The following GPC6 variants were observed in gnomAD, a reference collection of about 807,000 sequenced individuals.
GPC6 encodes the protein glypican 6, also known as glypican-6.
GPC6 carries 14 observed loss-of-function variants against 55.2 expected under a neutral mutation model. That is an observed-to-expected ratio of 0.25 (90% CI 0.17 to 0.40). GPC6 has a LOEUF of 0.40. Among genes scored for constraint, GPC6 ranks in the 10% least tolerant of loss-of-function variants. The pLI, the probability that GPC6 is intolerant of heterozygous loss-of-function variation, is 1.00. For missense variants in GPC6, 641 were observed against 708.5 expected, an observed-to-expected ratio of 0.90 and a Z score of 1.08; for synonymous variants, 278 against 259.6, an observed-to-expected ratio of 1.07 and a Z score of -0.68.
intron 2 of GPC6, among the ~76,000 whole-genome samples, chr13:93,748,405 TTTTA>T (rs1884472943): frequency 6.6e-6 from 1 of 152,090 alleles, no homozygotes; most frequent in African/African-American, 2.4e-5. Flanking sequence ...TTTTTGCTTT[TTTTA>T]TTTTTGTGTG....
chr13:93,855,063 G>C (rs1441314535), intron 3 of GPC6, among the ~76,000 whole-genome samples: 1 of 151,494 alleles, frequency 6.6e-6, no homozygotes, highest in African/African-American at 2.4e-5. Context: ...TTTACATTAG[G>C]TTCACTCTTG....
At chr13:94,191,614 A>G (rs1351498991) in intron 4 of GPC6, among the ~76,000 whole-genome samples, 5 of 152,158 alleles carry the variant, frequency 3.3e-5, no homozygotes, top group African/African-American at 1.2e-4. Context: ...AGCTGGAAAA[A>G]AAAAAAAATA....
At chr13:93,450,728 T>C in intron 1 of GPC6, 1 of 974,538 alleles carries the variant, frequency 1.0e-6, no homozygotes, top group Non-Finnish European at 1.2e-6. Flanking sequence ...TGGCTGTATT[T>C]CATAAAATAC....
At chr13:94,133,279 A>C (rs1192886232) in intron 4 of GPC6, among the ~76,000 whole-genome samples, 3 of 151,510 alleles carry the variant, frequency 2.0e-5, no homozygotes, top group Admixed American at 6.6e-5. Flanking sequence ...AAAAAAAAAA[A>C]AAAAAAAAAA....
At chr13:94,284,564 A>G (rs1892477761) in intron 4 of GPC6, among the ~76,000 whole-genome samples, 1 of 152,074 alleles carries the variant, frequency 6.6e-6, no homozygotes, top group Non-Finnish European at 1.5e-5. Flanking sequence ...TCAGAAAAAT[A>G]TAAGCCCCAA....
intron 2 of GPC6, among the ~76,000 whole-genome samples, chr13:93,621,619 G>C (rs1424009322): frequency 3.9e-4 from 59 of 152,004 alleles, no homozygotes; most frequent in Non-Finnish European, 7.4e-4. Flanking sequence ...AACAATATAA[G>C]CATGTTCAAA....
chr13:94,148,433 A>G (rs778598718), intron 4 of GPC6, among the ~76,000 whole-genome samples: 5 of 152,194 alleles, frequency 3.3e-5, no homozygotes, highest in Non-Finnish European at 7.3e-5. Context: ...TGAGGATAGC[A>G]AATGGAAAGA....
chr13:93,302,543 T>C (rs1878717918), intron 1 of GPC6, among the ~76,000 whole-genome samples: 1 of 152,218 alleles, frequency 6.6e-6, no homozygotes, highest in African/African-American at 2.4e-5. Flanking sequence ...AACAATTTGA[T>C]ATTTATAGGG....
chr13:94,187,072 A>T (rs181447283), intron 4 of GPC6: 2 of 152,352 alleles, frequency 1.3e-5, no homozygotes, highest in African/African-American at 2.4e-5. Context: ...TTGGAATAGC[A>T]GCCTTGGAAG....
intron 6 of GPC6, among the ~76,000 whole-genome samples, chr13:94,322,998 C>T (rs1405930894): frequency 2.0e-5 from 3 of 152,092 alleles, no homozygotes; most frequent in Non-Finnish European, 2.9e-5. Flanking sequence ...TATTCCCTGC[C>T]TCAGACAGAC....
At chr13:93,812,526 T>G (rs1012436086) in intron 2 of GPC6, among the ~76,000 whole-genome samples, 6 of 152,206 alleles carry the variant, frequency 3.9e-5, no homozygotes, top group Non-Finnish European at 7.3e-5. Context: ...ATTTTTCTAA[T>G]CAAGGATATC....
In GPC6 at chr13:93,684,259, C is replaced by G. The variant is rs78893376; in HGVS notation, c.319+138838C>G. On this transcript the variant is annotated intron_variant, in intron 2 of 8. Transcript: ENST00000377047. ...GGAGTGCAGTGGTGTAATCTTGGCT[C>G]ACTGCAACCTGCGCCTCCTGGGTTC... Among the ~76,000 whole-genome samples, 436 of 152,214 alleles carry G rather than the reference C, an allele frequency of 2.9e-3. 4 individuals carry two copies. The highest frequency in any genetic ancestry group is 9.7e-3 in the African/African-American group (402 of 41,514).
At position 93,227,188 on chromosome 13, in the gene GPC6, T is replaced by C. The variant is rs897083386; in HGVS notation, c.-269T>C. On this transcript the variant is annotated 5_prime_UTR_variant, in exon 1 of 9. Transcript: ENST00000377047. This position sits in a 1 kb window ranked among gnomAD's most constrained non-coding sequence, Gnocchi z 4.3. The stretch of plus-strand genomic sequence containing the variant: ...CTTTTCCTTCTCTTCCTCGTTTTGA[T>C]TGCACCGTTTCCATCTGGGGGCTAG... 8.0e-6 allele frequency: 3 copies of C among 375,004 alleles called. No homozygotes were observed. The highest frequency in any genetic ancestry group is 8.7e-5 in the Admixed American group (2 of 23,024). 23.2% of individuals were successfully genotyped at this position (375,004 alleles called of 1,614,324 possible). A position where few individuals can be genotyped will look rare whatever the true frequency, so the allele number is the denominator to read the frequency against.
In GPC6 at chr13:93,384,844, C is replaced by T. The variant is rs938209589; in HGVS notation, c.160+157228C>T. On this transcript the variant is annotated intron_variant, in intron 1 of 8. Transcript: ENST00000377047. Reference sequence around the variant, plus strand: ...AGAAAAACTGTCTTTTTTCAGCATACATTTTCCTAAATTTAAATCATTTGT... The same window carrying T: ...AGAAAAACTGTCTTTTTTCAGCATATATTTTCCTAAATTTAAATCATTTGT... Among the ~76,000 whole-genome samples, 102 of 152,158 alleles carry T rather than the reference C, an allele frequency of 6.7e-4. 3 individuals are homozygous for T. The highest frequency in any genetic ancestry group is 3.3e-4 in the Admixed American group (5 of 15,282).
chr13:94,284,100 C>T (rs1268589798), intron 4 of GPC6, among the ~76,000 whole-genome samples: 1 of 152,174 alleles, frequency 6.6e-6, no homozygotes, highest in Non-Finnish European at 1.5e-5. Flanking sequence ...TGACTGATGA[C>T]AGGCTTGCCC....
chr13:94,024,213 C>T (rs987817601), intron 3 of GPC6, among the ~76,000 whole-genome samples: 9 of 152,066 alleles, frequency 5.9e-5, no homozygotes, highest in Admixed American at 2.0e-4. Context: ...TCACTTTCCT[C>T]ATTTTTATAT....
At chr13:93,249,188 T>A (rs1876703401) in intron 1 of GPC6, among the ~76,000 whole-genome samples, 1 of 152,194 alleles carries the variant, frequency 6.6e-6, no homozygotes, top group Admixed American at 6.5e-5. Flanking sequence ...CATCAGGAAC[T>A]GAGATCACTG....
chr13:93,313,291 A>AT (rs66814954), intron 1 of GPC6, among the ~76,000 whole-genome samples: 1 of 151,444 alleles, frequency 6.6e-6, no homozygotes, highest in Non-Finnish European at 1.5e-5. Context: ...AATGAGGTAA[A>AT]TTTTTTTTTT....
rs536123104 is a variant in GPC6 at position 94,355,154 on chromosome 13, G to C, written c.1153-27260G>C. Among the ~76,000 whole-genome samples the C allele has an allele frequency of 3.4e-3, 520 of 152,104 alleles. 3 individuals carry two copies. The highest frequency in any genetic ancestry group is 0.012 in the African/African-American group (491 of 41,486). Reference sequence around the variant, plus strand: ...TTCTCCTGCCTCAGCCCCCCAAGTAGCTGGGATTACAGGCACCCACCACCA... The same window carrying C: ...TTCTCCTGCCTCAGCCCCCCAAGTACCTGGGATTACAGGCACCCACCACCA... On this transcript the variant is annotated intron_variant, in intron 6 of 8. Transcript: ENST00000377047.
Sources: gnomAD v4.1 joint callset for allele counts (sites outside exome capture counted in the v4.1 genomes callset) on GRCh38, gnomAD v4.1.1 for gene constraint, Gnocchi (gnomAD v3.1) non-coding constraint, MANE v1.5 for transcripts, NCBI Gene and HGNC (gene_info 2026-07-23, HGNC 2026-07-21) for gene names.